OTOGL: variants seen among roughly 807,000 people sequenced by gnomAD.
The protein encoded by OTOGL is otogelin like, also known as otogelin-like protein.
In OTOGL, 285 loss-of-function variants were observed where a neutral mutation model predicts 318.5. The ratio of observed to expected loss-of-function variants is 0.89; its 90% CI spans 0.81 to 0.99. OTOGL has a LOEUF of 0.99. Ranked by LOEUF, OTOGL falls within the 50% of genes least tolerant of loss-of-function variation. The probability of loss-of-function intolerance (pLI) is 0.00; values close to 1 mark genes in which losing one functional copy is unlikely to be tolerated. For synonymous variants in OTOGL, 987 were observed against 936.5 expected, an observed-to-expected ratio of 1.05 and a Z score of -0.99; for missense variants, 2,899 against 2,845.6, an observed-to-expected ratio of 1.02 and a Z score of -0.43.
At chr12:80,310,930 A>G (rs530684794) in intron 30 of OTOGL, among the ~76,000 whole-genome samples, 2 of 152,312 alleles carry the variant, frequency 1.3e-5, no homozygotes, top group Non-Finnish European at 2.9e-5. Context: ...TACTACATCT[A>G]ATTTAACAGT....
chr12:80,361,261 A>C lies in OTOGL; in HGVS notation c.6267+2361A>C, dbSNP rs536596541. 81 of 151,998 alleles carry C rather than the reference A, an allele frequency of 5.3e-4. 1 individual carries two copies. Among genetic ancestry groups the C allele is most frequent in the African/African-American group, 1.7e-3 (69 of 41,478 alleles). 9.4% of individuals were successfully genotyped at this position (151,998 alleles called of 1,614,324 possible). ...TGTCTTTCTGGGCTTGGCTTATTCC[A>C]TTTAACATAATGTCCTCCAGGTTCA... On this transcript the variant is annotated intron_variant, in intron 52 of 58. Transcript: ENST00000547103.
intron 1 of OTOGL, chr12:80,132,680 G>C (rs1380982113): frequency 6.6e-6 from 1 of 152,100 alleles, no homozygotes; most frequent in South Asian, 2.1e-4. Flanking sequence ...TTGAGAATCT[G>C]CCCAGGTAAT....
At chr12:80,256,596 C>T in intron 17 of OTOGL, 136 bp downstream of exon 17, 1 of 1,277,814 alleles carries the variant, frequency 7.8e-7, no homozygotes, top group Non-Finnish European at 1.0e-6. Context: ...TTGTATGTGT[C>T]ATCAGGCCAT....
At chr12:80,120,640 A>T (rs1449627337) in intron 1 of OTOGL, among the ~76,000 whole-genome samples, 1 of 152,228 alleles carries the variant, frequency 6.6e-6, no homozygotes, top group Non-Finnish European at 1.5e-5. Flanking sequence ...ACCTATGGAA[A>T]TGCCTTTCAA....
At chr12:80,245,999 T>G (rs1880842343) in intron 11 of OTOGL, among the ~76,000 whole-genome samples, 1 of 146,494 alleles carries the variant, frequency 6.8e-6, no homozygotes, top group Admixed American at 6.7e-5. Flanking sequence ...TTGTGATTTT[T>G]GTACATTGAT....
chr12:80,126,795 T>C (rs1308923607), intron 1 of OTOGL, among the ~76,000 whole-genome samples: 14 of 152,318 alleles, frequency 9.2e-5, no homozygotes. Context: ...CATTATGTAA[T>C]GGCCTTCTTT....
intron 4 of OTOGL, among the ~76,000 whole-genome samples, chr12:80,212,650 C>T (rs996561512): frequency 6.6e-6 from 1 of 152,074 alleles, no homozygotes; most frequent in Non-Finnish European, 1.5e-5. Context: ...ATACAGAATC[C>T]TAACTTAGTA....
In OTOGL at chr12:80,214,668, G is replaced by T. The variant is rs185737444; in HGVS notation, c.168+2671G>T. On this transcript the variant is annotated intron_variant, in intron 4 of 58. Coordinates refer to ENST00000547103, the MANE Select transcript of OTOGL (RefSeq NM_001378609.3). Reference sequence around the variant, plus strand: ...GAACCATGTCTCTTTTTTCAGTTCAGTTGGTATTTGTTGATGACATACCAA... The same window carrying T: ...GAACCATGTCTCTTTTTTCAGTTCATTTGGTATTTGTTGATGACATACCAA... Among the ~76,000 whole-genome samples, 5 of 152,178 alleles carry T rather than the reference G, an allele frequency of 3.3e-5. No homozygotes were observed. The East Asian group carries it at 9.7e-4, about 29-fold the overall frequency.
At chr12:80,125,944 G>A (rs1296024149) in intron 1 of OTOGL, among the ~76,000 whole-genome samples, 2 of 151,650 alleles carry the variant, frequency 1.3e-5, no homozygotes, top group Non-Finnish European at 2.9e-5. Flanking sequence ...TTCTTAATTA[G>A]TCTTGCTAGC....
At chr12:80,123,770 G>C (rs1203283384) in intron 1 of OTOGL, among the ~76,000 whole-genome samples, 1 of 152,046 alleles carries the variant, frequency 6.6e-6, no homozygotes, top group African/African-American at 2.4e-5. Context: ...GTTTTGATTT[G>C]CATTTCTCTG....
chr12:80,273,997 T>C (rs1204667646), intron 24 of OTOGL, among the ~76,000 whole-genome samples: 2 of 152,048 alleles, frequency 1.3e-5, no homozygotes, highest in East Asian at 1.9e-4. Flanking sequence ...GATTTCTCCA[T>C]GTATAGGCCA....
chr12:80,180,616 G>A (rs926680353), intron 1 of OTOGL, among the ~76,000 whole-genome samples: 17 of 152,102 alleles, frequency 1.1e-4, no homozygotes, highest in Admixed American at 6.6e-5. Flanking sequence ...TCGTGTAAAT[G>A]GGCTTAAATT....
intron 20 of OTOGL, chr12:80,265,963 A>G (rs190055820): frequency 1.3e-5 from 2 of 152,840 alleles, no homozygotes; most frequent in Admixed American, 1.3e-4. Context: ...TAACTTTTTA[A>G]TCACAGACCC....
At chr12:80,305,337 G>T (rs1886038073) in intron 28 of OTOGL, among the ~76,000 whole-genome samples, 1 of 152,114 alleles carries the variant, frequency 6.6e-6, no homozygotes, top group South Asian at 2.1e-4. Context: ...TAAGACACTG[G>T]TAAGTGTGGA....
chr12:80,101,401 TCTC>T (rs1869129623), intron 1 of OTOGL, among the ~76,000 whole-genome samples: 1 of 152,190 alleles, frequency 6.6e-6, no homozygotes, highest in Admixed American at 6.5e-5. Context: ...ACTTCCTCAT[TCTC>T]CTGAACATCC....
At chr12:80,324,469 G>A (rs1169804847) in intron 35 of OTOGL, among the ~76,000 whole-genome samples, 1 of 152,216 alleles carries the variant, frequency 6.6e-6, no homozygotes, top group Non-Finnish European at 1.5e-5. Context: ...AATCATATTA[G>A]TGGGCAAATC....
Position 80,336,034 on chromosome 12 carries a change from C to G in OTOGL, c.4494C>G (p.Asn1498Lys), listed in dbSNP as rs1457815507. Residue 1498 changes from asparagine (N) to lysine (K), a missense_variant, in exon 39 of 59, where the codon AAC (asparagine) becomes AAG (lysine). Asn to Lys is a moderately conservative substitution (Grantham distance 94). Transcript: ENST00000547103. Reference protein sequence around the residue: ...ICLNMEWQLYNWSLNCPKDVE... With the variant: ...ICLNMEWQLYKWSLNCPKDVE... The stretch of plus-strand genomic sequence containing the variant: ...TTAATATGGAATGGCAGTTATACAA[C>G]TGGTCCCTTAATTGCCCAAAGGACG... The G allele has an allele frequency of 6.3e-7, 1 of 1,598,744 alleles. No individual in the cohort carries two copies. The highest frequency in any genetic ancestry group is 8.5e-7 in the Non-Finnish European group (1 of 1,179,340).
At chr12:80,269,841 G>A (rs1370458304) in intron 22 of OTOGL, among the ~76,000 whole-genome samples, 1 of 152,092 alleles carries the variant, frequency 6.6e-6, no homozygotes, top group Non-Finnish European at 1.5e-5. Flanking sequence ...ATTATGGTAA[G>A]AACTATGAAT....
chr12:80,115,431 A>G (rs1284028021), intron 1 of OTOGL, among the ~76,000 whole-genome samples: 1 of 152,174 alleles, frequency 6.6e-6, no homozygotes, highest in African/African-American at 2.4e-5. Context: ...CTGAGGCTGC[A>G]TAACAGCAAA....
Sources: gnomAD v4.1 joint callset for allele counts (sites outside exome capture counted in the v4.1 genomes callset) on GRCh38, gnomAD v4.1.1 for gene constraint, MANE v1.5 for transcripts, NCBI Gene and HGNC (gene_info 2026-07-23, HGNC 2026-07-21) for gene names.